AFTPH: variants seen among roughly 807,000 people sequenced by gnomAD.
AFTPH encodes aftiphilin protein.
A neutral mutation model predicts 72.5 loss-of-function variants in AFTPH; 7 were observed. The observed-to-expected ratio is 0.10, with a 90% CI of 0.05 to 0.18. The LOEUF (loss-of-function observed/expected upper bound fraction) is 0.18, where lower values mean the gene tolerates loss of function less well. Ranked by LOEUF, AFTPH falls within the 10% of genes least tolerant of loss-of-function variation. The probability of loss-of-function intolerance (pLI) is 1.00; values close to 1 mark genes in which losing one functional copy is unlikely to be tolerated. For synonymous variants in AFTPH, 337 were observed against 370.1 expected (o/e 0.91, Z 1.03); for missense variants, 979 against 1,060.5 (o/e 0.92, Z 1.07).
intron 2 of AFTPH, among the ~76,000 whole-genome samples, chr2:64,555,563 A>T (rs1044371266): frequency 1.4e-5 from 2 of 146,296 alleles, no homozygotes; most frequent in Admixed American, 6.8e-5. Context: ...TGTCACACAC[A>T]CACACACACA....
chr2:64,552,400 G>A (rs754418577), exon 2 of AFTPH: 3 of 1,613,924 alleles, frequency 1.9e-6, no homozygotes, highest in African/African-American at 1.3e-5. Flanking sequence ...ACTAACAGAG[G>A]TTTCAGTGTT....
At chr2:64,558,447 A>G (rs1369337874) in intron 2 of AFTPH, among the ~76,000 whole-genome samples, 1 of 152,222 alleles carries the variant, frequency 6.6e-6, no homozygotes, top group Non-Finnish European at 1.5e-5. Flanking sequence ...AGCACTTCTA[A>G]TATTAAACAT....
chr2:64,579,336 C>A, intron 6 of AFTPH, 150 bp from the exon 7 acceptor site: 1 of 517,216 alleles, frequency 1.9e-6, no homozygotes, highest in Non-Finnish European at 3.4e-6. Flanking sequence ...CTGATATTTG[C>A]AGGTAACCTT....
intron 1 of AFTPH, among the ~76,000 whole-genome samples, chr2:64,549,357 G>GTCAC (rs1670888658): frequency 9.2e-6 from 1 of 109,048 alleles, no homozygotes; most frequent in African/African-American, 3.5e-5. Flanking sequence ...GTCTCACTCT[G>GTCAC]TCACTCAGGC....
In AFTPH at chr2:64,553,049, T is replaced by A. The variant is rs748178008; in HGVS notation, c.1575T>A (p.Val525=). 3 of 1,614,192 alleles carry A rather than the reference T, an allele frequency of 1.9e-6. No individual in the cohort carries two copies. The Admixed American group carries it at 5.0e-5, about 27-fold the overall frequency. The stretch of plus-strand genomic sequence containing the variant: ...CTAGTGGAACAGGCACTGAACCTGT[T>A]GCAAAACTTAAAAATGGGCAAGAAG... Residue 525 remains valine (V), a synonymous_variant, in exon 2 of 9, where the codon GTT becomes GTA. Coordinates refer to ENST00000238856, the Ensembl canonical transcript of AFTPH.
intron 1 of AFTPH, among the ~76,000 whole-genome samples, chr2:64,530,006 A>G (rs1669530019): frequency 6.6e-6 from 1 of 152,080 alleles, no homozygotes; most frequent in Non-Finnish European, 1.5e-5. Flanking sequence ...ATATAGAAAA[A>G]TTAGCCAGGC....
At chr2:64,553,367 A>G in exon 2 of AFTPH, 1 of 1,603,560 alleles carries the variant, frequency 6.2e-7, no homozygotes, top group Non-Finnish European at 8.5e-7. Flanking sequence ...CCAAAGGAGC[A>G]GTTGCTAGTG....
intron 6 of AFTPH, 23 bp downstream of exon 6, chr2:64,573,091 A>G (rs761318624): frequency 6.3e-7 from 1 of 1,595,514 alleles, no homozygotes; most frequent in Non-Finnish European, 8.6e-7. Context: ...ATATGTGTAT[A>G]AATATGTTTA....
intron 6 of AFTPH, among the ~76,000 whole-genome samples, chr2:64,574,554 ATG>A (rs1372559579): frequency 6.6e-6 from 1 of 152,242 alleles, no homozygotes; most frequent in East Asian, 1.9e-4. Context: ...ACTTTAGAAA[ATG>A]TGTAAAGCAT....
At chr2:64,581,747 A>G (rs1158390033) in intron 7 of AFTPH, among the ~76,000 whole-genome samples, 1 of 152,246 alleles carries the variant, frequency 6.6e-6, no homozygotes, top group South Asian at 2.1e-4. Flanking sequence ...TAGTGCTGCT[A>G]AATATATAAT....
intron 1 of AFTPH, among the ~76,000 whole-genome samples, chr2:64,527,202 T>G (rs1403289117): frequency 2.0e-5 from 3 of 152,238 alleles, no homozygotes; most frequent in Admixed American, 2.0e-4. Context: ...AGATTAAGAT[T>G]TAACACACCT....
chr2:64,558,017 A>G (rs1671491596), intron 2 of AFTPH, among the ~76,000 whole-genome samples: 1 of 152,224 alleles, frequency 6.6e-6, no homozygotes, highest in African/African-American at 2.4e-5. Context: ...GTAAGTATAC[A>G]GTTGTAGATT....
intron 1 of AFTPH, among the ~76,000 whole-genome samples, chr2:64,543,344 A>G (rs1408704692): frequency 1.3e-5 from 2 of 152,146 alleles, no homozygotes; most frequent in African/African-American, 2.4e-5. Context: ...TTTTCACTCT[A>G]TGGTATTCTT....
intron 1 of AFTPH, among the ~76,000 whole-genome samples, chr2:64,533,679 A>T (rs1229701649): frequency 6.6e-6 from 1 of 152,222 alleles, no homozygotes; most frequent in East Asian, 1.9e-4. Context: ...ATGTGATGGT[A>T]TACTATATAA....
intron 1 of AFTPH, among the ~76,000 whole-genome samples, chr2:64,534,715 T>G (rs1056245652): frequency 2.0e-5 from 3 of 150,318 alleles, no homozygotes; most frequent in African/African-American, 7.4e-5. Context: ...CATCTGCAAG[T>G]GAAACTGTGT....
chr2:64,570,387 A>G (rs570952903), intron 5 of AFTPH, among the ~76,000 whole-genome samples: 1 of 152,352 alleles, frequency 6.6e-6, no homozygotes, highest in South Asian at 2.1e-4. Context: ...TATAGAATTT[A>G]TACAATCCAT....
At chr2:64,540,519 T>C (rs1010173229) in intron 1 of AFTPH, among the ~76,000 whole-genome samples, 1 of 152,184 alleles carries the variant, frequency 6.6e-6, no homozygotes, top group Non-Finnish European at 1.5e-5. Flanking sequence ...GGTTAAAATG[T>C]TCGGTAGAAG....
chr2:64,544,632 A>G (rs80093563), intron 1 of AFTPH, among the ~76,000 whole-genome samples: 204 of 151,998 alleles, frequency 1.3e-3, no homozygotes, highest in Non-Finnish European at 2.6e-3. Context: ...CCCATATTTT[A>G]TGTGTTAAAG....
At chr2:64,554,896 C>T (rs1165488580) in intron 2 of AFTPH, among the ~76,000 whole-genome samples, 1 of 152,180 alleles carries the variant, frequency 6.6e-6, no homozygotes, top group Non-Finnish European at 1.5e-5. Context: ...TTAACATCAT[C>T]AGATAATGAA....
Sources: gnomAD v4.1 joint callset for allele counts (sites outside exome capture counted in the v4.1 genomes callset) on GRCh38, gnomAD v4.1.1 for gene constraint, MANE v1.5 for transcripts, NCBI Gene and HGNC (gene_info 2026-07-23, HGNC 2026-07-21) for gene names.